DSG4: variants seen among roughly 807,000 people sequenced by gnomAD.
The protein encoded by DSG4 is desmoglein-4.
A neutral mutation model predicts 93.1 loss-of-function variants in DSG4; 87 were observed. The observed-to-expected ratio is 0.93, with a 90% CI of 0.79 to 1.12. DSG4 has a LOEUF of 1.12. Among genes scored for constraint, DSG4 ranks in the 50% most tolerant of loss-of-function variants. DSG4 has a pLI of 0.00. For missense variants in DSG4, 1,373 were observed against 1,285.7 expected (o/e 1.07, Z -1.04); for synonymous variants, 432 against 452.9 (o/e 0.95, Z 0.59).
chr18:31,406,931 C>T (rs2072434658), intron 12 of DSG4, among the ~76,000 whole-genome samples: 1 of 152,026 alleles, frequency 6.6e-6, no homozygotes, highest in Non-Finnish European at 1.5e-5. Flanking sequence ...GCGCCCACCA[C>T]CACGACTGGC....
chr18:31,406,273 C>G lies in DSG4; in HGVS notation c.1833C>G (p.Asp611Glu). The G allele has an allele frequency of 6.2e-7, 1 of 1,614,168 alleles. No homozygotes were observed. Among genetic ancestry groups the G allele is most frequent in the Non-Finnish European group, 8.5e-7 (1 of 1,180,038 alleles). ...TCTACACAGAGGACATAACTGGTGA[C>G]ACGTATGGGCCTGTCACTGAAGACC... ...AGIYTEDITGDTYGPVTEDQA... is the reference protein window; with the variant it reads ...AGIYTEDITGETYGPVTEDQA... Residue 611 changes from aspartate to glutamate, a missense_variant, in exon 12 of 16, where the codon GAC becomes GAG. By Grantham distance (45) the Asp-to-Glu change is conservative (BLOSUM62 2). Transcript: ENST00000308128.
At chr18:31,412,230 G>C (rs2072502635) in intron 15 of DSG4, among the ~76,000 whole-genome samples, 1 of 152,176 alleles carries the variant, frequency 6.6e-6, no homozygotes, top group African/African-American at 2.4e-5. Context: ...AACATGGATG[G>C]AACTGGAGGA....
At chr18:31,409,836 CT>C in intron 14 of DSG4, 28 bp downstream of exon 14, 1 of 1,613,582 alleles carries the variant, frequency 6.2e-7, no homozygotes, top group Non-Finnish European at 8.5e-7. Flanking sequence ...TCTGTTTTTC[CT>C]TTTAAATTTT....
In DSG4 at chr18:31,388,361, TTA is replaced by T; in HGVS notation, c.217-3_217-2del. On this transcript the variant is annotated splice_region_variant and splice_polypyrimidine_tract_variant and intron_variant, in intron 3 of 15. Transcript: ENST00000308128. ...TGGATCACAATCCTAGCTATTTTTC[TTA>T]TAGATTCGATCAGACTGCGAATCGA... 1 of 1,612,882 alleles carries T rather than the reference TTA, an allele frequency of 6.2e-7. No individual in the cohort carries two copies. Among genetic ancestry groups the T allele is most frequent in the Non-Finnish European group, 8.5e-7 (1 of 1,179,314 alleles).
chr18:31,377,950 G>GTC (rs1318963414), intron 1 of DSG4, among the ~76,000 whole-genome samples: 2 of 152,226 alleles, frequency 1.3e-5, no homozygotes, highest in African/African-American at 4.8e-5. Context: ...AACATCAGTT[G>GTC]TAAGAGACAG....
Position 31,399,543 on chromosome 18 carries a change from G to C in DSG4, c.1277G>C (p.Arg426Thr). The change falls in exon 9 of 16, where the codon AGA (arginine) becomes ACA (threonine). Residue 426 changes from arginine to threonine, a missense_variant and splice_region_variant. By Grantham distance (71) the Arg-to-Thr change is moderately conservative. Coordinates refer to ENST00000308128, the MANE Select transcript of DSG4 (RefSeq NM_177986.5). ...ACAGGAAACCCTGCAACAGATGTCA[G>C]GTACTGCAACTATTTTCTTCATGTT... ...LDTGNPATDV[R>T]YIIGHDAGSW... 6.2e-7 allele frequency: 1 copy of C among 1,613,866 alleles called. No individual in the cohort carries two copies.
chr18:31,385,967 A>G (rs184888275), intron 2 of DSG4, among the ~76,000 whole-genome samples: 1 of 152,300 alleles, frequency 6.6e-6, no homozygotes, highest in East Asian at 1.9e-4. Context: ...AGGCTTGCAC[A>G]TGTAGTGACA....
At position 31,412,969 on chromosome 18, in the gene DSG4, A is replaced by C. The variant is rs752239741; in HGVS notation, c.2497A>C (p.Met833Leu). The C allele has an allele frequency of 1.2e-5, 20 of 1,614,074 alleles. No homozygotes were observed. The African/African-American group carries it at 2.5e-4, about 20-fold the overall frequency. ...TGTGGATGACTTAGATGAAAGCTGC[A>C]TGGAAACTTTAGATCCAAAATTTAG... is the stretch of plus-strand genomic sequence containing the variant. Reference protein sequence around the residue: ...WIVDDLDESCMETLDPKFRTL... With the variant: ...WIVDDLDESCLETLDPKFRTL... The change falls in exon 16 of 16, where the codon ATG becomes CTG. Residue 833 changes from methionine to leucine, a missense_variant. Met to Leu is a conservative substitution (Grantham distance 15). Coordinates refer to ENST00000308128, the MANE Select transcript of DSG4 (RefSeq NM_177986.5).
chr18:31,407,381 G>A (rs1008693835), intron 12 of DSG4, among the ~76,000 whole-genome samples: 4 of 152,148 alleles, frequency 2.6e-5, no homozygotes, highest in African/African-American at 9.7e-5. Context: ...TCTGGGCTCT[G>A]GGTGAGTGCC....
intron 14 of DSG4, 46 bp downstream of exon 14, chr18:31,409,854 T>A: frequency 6.2e-7 from 1 of 1,604,642 alleles, no homozygotes; most frequent in Non-Finnish European, 8.5e-7. Flanking sequence ...TTTTTCAAAA[T>A]TATTCAACCA....
At chr18:31,379,065 A>G (rs1181017438) in intron 1 of DSG4, among the ~76,000 whole-genome samples, 3 of 151,968 alleles carry the variant, frequency 2.0e-5, no homozygotes, top group Non-Finnish European at 4.4e-5. Context: ...GGTACTCAAA[A>G]CTCTAGATTA....
intron 11 of DSG4, among the ~76,000 whole-genome samples, chr18:31,405,000 T>C (rs945195950): frequency 1.3e-5 from 2 of 152,234 alleles, no homozygotes; most frequent in African/African-American, 4.8e-5. Flanking sequence ...GCTGGTGTTT[T>C]AGAACAGAAT....
chr18:31,399,161 G>A lies in DSG4; in HGVS notation c.1006-111G>A. 3 of 1,386,758 alleles carry A rather than the reference G, an allele frequency of 2.2e-6. No homozygotes were observed. In the South Asian group the frequency reaches 3.8e-5, roughly 18 times the overall value. 85.9% of individuals were successfully genotyped at this position (1,386,758 alleles called of 1,614,324 possible). On this transcript the variant is annotated intron_variant, in intron 8 of 15. Transcript: ENST00000308128. Reference sequence around the variant, plus strand: ...TTTTTTTCAATTCAAAATCTAAACAGCGTATCTCCTGGACCTTATTCTAGT... The same window carrying A: ...TTTTTTTCAATTCAAAATCTAAACAACGTATCTCCTGGACCTTATTCTAGT...
rs2144216228 is a variant in DSG4 at position 31,409,679 on chromosome 18, C to A, written c.2074-66C>A. On this transcript the variant is annotated intron_variant, in intron 13 of 15. Coordinates refer to ENST00000308128, the MANE Select transcript of DSG4 (RefSeq NM_177986.5). The stretch of plus-strand genomic sequence containing the variant: ...CAATTACATGCTGCACAAAAATGAA[C>A]AGATGTCAGTTTTTAAATGTTTAAC... 2.5e-5 allele frequency: 41 copies of A among 1,613,472 alleles called. 1 individual carries two copies. The South Asian group carries it at 4.2e-4, about 16-fold the overall frequency.
intron 14 of DSG4, chr18:31,410,972 C>T (rs1426757808): frequency 4.8e-5 from 50 of 1,045,602 alleles, no homozygotes; most frequent in Non-Finnish European, 6.7e-5. Flanking sequence ...AGTTCTACAC[C>T]TTTAAGTCTA....
At chr18:31,398,609 C>A (rs2072330264) in intron 8 of DSG4, among the ~76,000 whole-genome samples, 3 of 152,256 alleles carry the variant, frequency 2.0e-5, no homozygotes, top group Non-Finnish European at 2.9e-5. Flanking sequence ...TTTCATGTCA[C>A]CACATCAATC....
intron 8 of DSG4, among the ~76,000 whole-genome samples, chr18:31,397,399 AC>A (rs1180405955): frequency 6.6e-6 from 1 of 151,988 alleles, no homozygotes; most frequent in African/African-American, 2.4e-5. Flanking sequence ...TTATGAAGAG[AC>A]TCCAGAGTAA....
intron 14 of DSG4, among the ~76,000 whole-genome samples, chr18:31,410,390 C>T (rs902129517): frequency 3.3e-5 from 5 of 151,036 alleles, no homozygotes; most frequent in Admixed American, 1.3e-4. Flanking sequence ...TTATATATAA[C>T]ATACATGTGT....
chr18:31,408,734 G>T (rs2072453829), intron 12 of DSG4, among the ~76,000 whole-genome samples: 1 of 152,174 alleles, frequency 6.6e-6, no homozygotes, highest in Non-Finnish European at 1.5e-5. Context: ...TGCCATGCTA[G>T]AGAATTAGGA....
Sources: gnomAD v4.1 joint callset for allele counts (sites outside exome capture counted in the v4.1 genomes callset) on GRCh38, gnomAD v4.1.1 for gene constraint, MANE v1.5 for transcripts, NCBI Gene and HGNC (gene_info 2026-07-23, HGNC 2026-07-21) for gene names.